The following WDR43 variants were observed in gnomAD, a reference collection of about 807,000 sequenced individuals.
WDR43 encodes WD repeat-containing protein 43.
A neutral mutation model predicts 91.4 loss-of-function variants in WDR43; 13 were observed. The observed-to-expected ratio is 0.14, with a 90% CI of 0.09 to 0.23. The LOEUF (loss-of-function observed/expected upper bound fraction) is 0.23. Ranked by LOEUF, WDR43 falls within the 10% of genes least tolerant of loss-of-function variation. WDR43 has a pLI of 1.00. For synonymous variants in WDR43, 331 were observed against 287.9 expected (o/e 1.15, Z -1.51); for missense variants, 780 against 809.4 (o/e 0.96, Z 0.44).
At chr2:28,913,433 C>G (rs1191744060) in intron 4 of WDR43, among the ~76,000 whole-genome samples, 1 of 152,146 alleles carries the variant, frequency 6.6e-6, no homozygotes, top group Non-Finnish European at 1.5e-5. Flanking sequence ...CAGGCTCAAG[C>G]GATGTCTCAC....
At chr2:28,928,441 A>T (rs1487343263) in intron 10 of WDR43, among the ~76,000 whole-genome samples, 1 of 152,202 alleles carries the variant, frequency 6.6e-6, no homozygotes, top group East Asian at 1.9e-4. Context: ...CCTCAGTTAC[A>T]TGATAGCTGA....
At chr2:28,919,180 C>G (rs986809818) in intron 6 of WDR43, among the ~76,000 whole-genome samples, 8 of 152,090 alleles carry the variant, frequency 5.3e-5, no homozygotes, top group African/African-American at 1.9e-4. Flanking sequence ...ATTGCCTGAG[C>G]CTGGGAGGTC....
At chr2:28,916,075 T>C (rs1670903507) in intron 5 of WDR43, among the ~76,000 whole-genome samples, 1 of 152,212 alleles carries the variant, frequency 6.6e-6, no homozygotes. Flanking sequence ...GTGTACAAAC[T>C]GATGAGTTGT....
At chr2:28,906,335 G>C (rs1285387420) in intron 2 of WDR43, 125 bp from the exon 3 acceptor site, 4 of 901,110 alleles carry the variant, frequency 4.4e-6, no homozygotes, top group Middle Eastern at 2.4e-4. Context: ...AAATATCCAC[G>C]TGTGGGCCAG....
At chr2:28,902,207 G>A (rs1469518388) in intron 2 of WDR43, 83 bp downstream of exon 2, 1 of 1,418,560 alleles carries the variant, frequency 7.0e-7, no homozygotes, top group Non-Finnish European at 9.4e-7. Context: ...ACACTTCAAG[G>A]TATGTGATGG....
chr2:28,938,875 A>C (rs544838807), intron 14 of WDR43, among the ~76,000 whole-genome samples: 2 of 152,130 alleles, frequency 1.3e-5, no homozygotes, highest in Non-Finnish European at 2.9e-5. Flanking sequence ...AGCCTGTAGG[A>C]GGCTTGGGAG....
chr2:28,939,561 A>C (rs1342088755), intron 14 of WDR43, among the ~76,000 whole-genome samples: 1 of 152,132 alleles, frequency 6.6e-6, no homozygotes, highest in African/African-American at 2.4e-5. Context: ...TGATATTTTT[A>C]AGTGCCTTCT....
intron 3 of WDR43, 59 bp downstream of exon 3, chr2:28,906,640 G>C: frequency 6.4e-7 from 1 of 1,559,844 alleles, no homozygotes; most frequent in Non-Finnish European, 8.7e-7. Context: ...CTGGACTTGT[G>C]GGGAATGCAG....
chr2:28,904,903 T>G (rs1187192390), intron 2 of WDR43: 1 of 152,218 alleles, frequency 6.6e-6, no homozygotes, highest in Non-Finnish European at 1.5e-5. Flanking sequence ...TCCTGCAAGA[T>G]TTTAATACAT....
intron 11 of WDR43, 45 bp downstream of exon 11, chr2:28,929,755 T>A: frequency 6.4e-7 from 1 of 1,569,748 alleles, no homozygotes; most frequent in East Asian, 2.3e-5. Context: ...GGTTAATATT[T>A]CTTAGAAAAT....
chr2:28,924,709 G>A (rs912315242), intron 7 of WDR43, among the ~76,000 whole-genome samples: 7 of 152,102 alleles, frequency 4.6e-5, no homozygotes, highest in Non-Finnish European at 1.0e-4. Context: ...GCAAGAGAAC[G>A]TTTGGCAGCT....
intron 12 of WDR43, 60 bp downstream of exon 12, chr2:28,935,667 G>C: frequency 8.5e-7 from 1 of 1,175,230 alleles, no homozygotes; most frequent in Non-Finnish European, 1.2e-6. Context: ...GGAAAATTCA[G>C]TAGTTAGAGA....
Position 28,926,525 on chromosome 2 carries a change from G to T in WDR43, c.1144G>T (p.Ala382Ser). The stretch of plus-strand genomic sequence containing the variant: ...AGTAAGAGATATTTCAAACTGCTGG[G>T]CCCCCAAAGTAGAAACAGCTATAAC... Reference protein sequence around the residue: ...CLVRDISNCWAPKVETAITKV... With the variant: ...CLVRDISNCWSPKVETAITKV... The change falls in exon 9 of 18, where the codon GCC becomes TCC. Residue 382 changes from alanine to serine, a missense_variant. This residue lies in a region of WDR43 where 426 missense variants were observed against 467.8 expected (regional missense o/e 0.91). Coordinates refer to ENST00000407426, the MANE Select transcript of WDR43 (RefSeq NM_015131.3). 1 of 1,599,382 alleles carries T rather than the reference G, an allele frequency of 6.3e-7. No homozygotes were observed. The highest frequency in any genetic ancestry group is 8.5e-7 in the Non-Finnish European group (1 of 1,172,122).
chr2:28,912,642 G>A lies in WDR43; in HGVS notation c.538G>A (p.Gly180Arg). The A allele has an allele frequency of 6.2e-7, 1 of 1,613,922 alleles. No individual in the cohort carries two copies. Among genetic ancestry groups the A allele is most frequent in the Non-Finnish European group, 8.5e-7 (1 of 1,179,888 alleles). Residue 180 changes from glycine (G) to arginine (R), a missense_variant, in exon 4 of 18, where the codon GGA becomes AGA. Coordinates refer to ENST00000407426, the MANE Select transcript of WDR43 (RefSeq NM_015131.3). ...SVSSLCISPD[G>R]KMLLSAGRTI... ...CAGTTCCCTATGTATCAGCCCAGAT[G>A]GAAAGATGTTGCTTTCAGCTGGTCG...
At chr2:28,930,708 C>G (rs10181640) in intron 11 of WDR43, among the ~76,000 whole-genome samples, 3,945 of 152,218 alleles carry the variant, frequency 0.026, 200 homozygotes, top group African/African-American at 0.091. Context: ...GCTTTGAAAC[C>G]TTCCTCAGTA....
At chr2:28,909,727 A>G (rs1670753485) in intron 3 of WDR43, among the ~76,000 whole-genome samples, 2 of 152,140 alleles carry the variant, frequency 1.3e-5, no homozygotes, top group South Asian at 4.1e-4. Context: ...GAAAAAAATT[A>G]GCCAGATGTG....
intron 16 of WDR43, among the ~76,000 whole-genome samples, chr2:28,943,842 T>G (rs1671492189): frequency 1.3e-5 from 2 of 152,224 alleles, no homozygotes; most frequent in African/African-American, 2.4e-5. Context: ...GGTCAGGTGT[T>G]GGCCATGATT....
chr2:28,943,990 G>T (rs1452319862), intron 16 of WDR43, among the ~76,000 whole-genome samples: 1 of 152,202 alleles, frequency 6.6e-6, no homozygotes, highest in South Asian at 2.1e-4. Flanking sequence ...AAGTGCTTGT[G>T]TGTATCCCAG....
At chr2:28,943,088 T>A (rs150956981) in intron 16 of WDR43, among the ~76,000 whole-genome samples, 3 of 152,224 alleles carry the variant, frequency 2.0e-5, no homozygotes, top group Non-Finnish European at 4.4e-5. Context: ...TCACAAGATA[T>A]GCCCAGATAT....
Sources: gnomAD v4.1 joint callset for allele counts (sites outside exome capture counted in the v4.1 genomes callset) on GRCh38, gnomAD v4.1.1 for gene constraint, gnomAD v4.1.1 regional missense constraint, MANE v1.5 for transcripts, NCBI Gene and HGNC (gene_info 2026-07-23, HGNC 2026-07-21) for gene names.